Variants in TNFRSF10A observed in about 807,000 individuals in gnomAD.
TNFRSF10A encodes the protein tumor necrosis factor receptor superfamily member 10A.
In TNFRSF10A, 44 loss-of-function variants were observed where a neutral mutation model predicts 42.8. That is an observed-to-expected ratio of 1.03 (90% CI 0.81 to 1.32). The LOEUF (loss-of-function observed/expected upper bound fraction) is 1.32, where lower values mean the gene tolerates loss of function less well. Among genes scored for constraint, TNFRSF10A ranks in the 40% most tolerant of loss-of-function variants. The pLI is 0.00. For synonymous variants in TNFRSF10A, 259 were observed against 234.2 expected (o/e 1.11, Z -0.97); for missense variants, 680 against 602.0 (o/e 1.13, Z -1.36).
In TNFRSF10A at chr8:23,191,892, G is replaced by A. The variant is rs185188885; in HGVS notation, c.1209C>T (p.Gly403=). 5.0e-5 allele frequency: 81 copies of A among 1,614,104 alleles called. No individual in the cohort carries two copies. In the African/African-American group the frequency reaches 1.0e-3, roughly 20 times the overall value. The change falls in exon 10 of 10, where the codon GGC becomes GGT. Residue 403 remains glycine, a synonymous_variant. Coordinates refer to ENST00000221132, the MANE Select transcript of TNFRSF10A (RefSeq NM_003844.4). ...EIDVVRAGTA[G]PGDALYAMLM... Reference sequence around the variant, plus strand: ...GCATTGCATACAAGGCATCCCCTGGGCCTGCTGTACCAGCTCTGACCACAT... The same window carrying A: ...GCATTGCATACAAGGCATCCCCTGGACCTGCTGTACCAGCTCTGACCACAT...
intron 8 of TNFRSF10A, among the ~76,000 whole-genome samples, 187 bp downstream of exon 8, chr8:23,199,079 A>C (rs1387425800): frequency 6.6e-6 from 1 of 152,170 alleles, no homozygotes; most frequent in Admixed American, 6.5e-5. Flanking sequence ...AGGACAGGAC[A>C]GGGACTAAGA....
At chr8:23,206,779 G>GA (rs1048035728) in intron 2 of TNFRSF10A, 15 of 154,040 alleles carry the variant, frequency 9.7e-5, no homozygotes, top group African/African-American at 3.6e-4. Flanking sequence ...TACCTTGGAT[G>GA]AAAGGGGCAA....
rs370075125 is a variant in TNFRSF10A at position 23,208,012 on chromosome 8, T to C, written c.403+4104A>G. On this transcript the variant is annotated intron_variant, in intron 2 of 9. Coordinates refer to ENST00000221132, the MANE Select transcript of TNFRSF10A (RefSeq NM_003844.4). ...TTTGGAACTGCATAACAGGCAGAGG[T>C]TGGAACAGTTTGGAGGGCTCAGACG... Among the ~76,000 whole-genome samples, 283 of 151,048 alleles carry C rather than the reference T, an allele frequency of 1.9e-3. 1 individual carries two copies. Among genetic ancestry groups the C allele is most frequent in the African/African-American group, 6.6e-3 (273 of 41,092 alleles).
intron 2 of TNFRSF10A, among the ~76,000 whole-genome samples, chr8:23,210,445 G>T (rs974467696): frequency 6.6e-6 from 1 of 152,176 alleles, no homozygotes; most frequent in Non-Finnish European, 1.5e-5. Flanking sequence ...ACTTTGGAAG[G>T]CTGAGGCAGG....
chr8:23,194,919 A>G (rs1476400157), intron 9 of TNFRSF10A, among the ~76,000 whole-genome samples: 1 of 152,204 alleles, frequency 6.6e-6, no homozygotes, highest in African/African-American at 2.4e-5. Context: ...TTGGGAGGCC[A>G]AGGCAGGCGA....
chr8:23,216,109 C>T (rs1208856005), intron 1 of TNFRSF10A, among the ~76,000 whole-genome samples: 1 of 152,044 alleles, frequency 6.6e-6, no homozygotes, highest in African/African-American at 2.4e-5. Flanking sequence ...TGAGCCATCT[C>T]GTCCGGCCAG....
chr8:23,222,992 G>T (rs1174948134), intron 1 of TNFRSF10A, among the ~76,000 whole-genome samples: 1 of 152,168 alleles, frequency 6.6e-6, no homozygotes, highest in Non-Finnish European at 1.5e-5. Flanking sequence ...CTGGTGGCAT[G>T]CTTCTTGTAC....
At chr8:23,219,183 G>A (rs984946317) in intron 1 of TNFRSF10A, among the ~76,000 whole-genome samples, 5 of 152,122 alleles carry the variant, frequency 3.3e-5, no homozygotes, top group African/African-American at 9.7e-5. Flanking sequence ...GCTTCAGGGA[G>A]CAGGACTGAC....
At chr8:23,221,382 G>T (rs1016020684) in intron 1 of TNFRSF10A, among the ~76,000 whole-genome samples, 2 of 152,202 alleles carry the variant, frequency 1.3e-5, no homozygotes, top group Admixed American at 6.5e-5. Context: ...CCAATCTCTG[G>T]GCTCTGATAG....
chr8:23,196,562 G>A (rs1800827262), intron 9 of TNFRSF10A, among the ~76,000 whole-genome samples: 1 of 152,132 alleles, frequency 6.6e-6, no homozygotes, highest in African/African-American at 2.4e-5. Context: ...ACATGAATTG[G>A]AGACTGAGCT....
At chr8:23,216,164 TCTTAGCTTGTTGATTC>T (rs1314839104) in intron 1 of TNFRSF10A, among the ~76,000 whole-genome samples, 7 of 152,154 alleles carry the variant, frequency 4.6e-5, no homozygotes, top group Non-Finnish European at 1.0e-4. Flanking sequence ...GAGAACCAAC[TCTTAGCTTGTTGATTC>T]CTTTTATTGT....
chr8:23,208,650 G>T (rs1801051502), intron 2 of TNFRSF10A, among the ~76,000 whole-genome samples: 1 of 152,018 alleles, frequency 6.6e-6, no homozygotes, highest in African/African-American at 2.4e-5. Context: ...TAGAGACGGG[G>T]TTTCACCGTG....
chr8:23,223,087 A>G (rs1169655668), intron 1 of TNFRSF10A, among the ~76,000 whole-genome samples: 1 of 152,144 alleles, frequency 6.6e-6, no homozygotes, highest in African/African-American at 2.4e-5. Context: ...CTTTTCCGAA[A>G]CGGAGTCTCC....
At position 23,224,952 on chromosome 8, in the gene TNFRSF10A, A is replaced by C. The variant is rs549217117; in HGVS notation, c.110T>G (p.Val37Gly). 484 of 1,600,216 alleles carry C rather than the reference A, an allele frequency of 3.0e-4. No individual in the cohort carries two copies. Among genetic ancestry groups the C allele is most frequent in the Admixed American group, 5.5e-4 (32 of 58,548 alleles). The change falls in exon 1 of 10, where the codon GTG becomes GGG. Residue 37 changes from valine to glycine, a missense_variant. Val to Gly is a moderately radical substitution (Grantham distance 109, BLOSUM62 -3). Coordinates refer to ENST00000221132, the MANE Select transcript of TNFRSF10A (RefSeq NM_003844.4). ...TEAAAATPSK[V>G]WGSSAGRIEP... ...AATCCTCCCCGCGGAAGAGCCCCAC[A>C]CTTTGCTGGGTGTGGCCGCGGCTGC...
At chr8:23,196,029 T>TA (rs1800818726) in intron 9 of TNFRSF10A, among the ~76,000 whole-genome samples, 1 of 152,190 alleles carries the variant, frequency 6.6e-6, no homozygotes, top group African/African-American at 2.4e-5. Context: ...GCTCAAATCT[T>TA]ACATTTGTTT....
At chr8:23,207,404 T>C (rs1288240051) in intron 2 of TNFRSF10A, 2 of 525,610 alleles carry the variant, frequency 3.8e-6, no homozygotes, top group African/African-American at 1.9e-5. Context: ...AATACATGTA[T>C]ATGTTTTCAC....
Position 23,200,750 on chromosome 8 carries a change from C to T in TNFRSF10A, c.640G>A (p.Gly214Arg), listed in dbSNP as rs1267828566. The stretch of plus-strand genomic sequence containing the variant: ...GTACAATCCTTGACCTTGACCATCC[C>T]TCTGGGGCACCTGGGTACACACAGG... ...CRKCSRGCPR[G>R]MVKVKDCTPW... The change falls in exon 5 of 10, where the codon GGG becomes AGG. Residue 214 changes from glycine (G) to arginine (R), a missense_variant. Coordinates refer to ENST00000221132, the MANE Select transcript of TNFRSF10A (RefSeq NM_003844.4). 4.4e-6 allele frequency: 7 copies of T among 1,600,614 alleles called. No homozygotes were observed. Among genetic ancestry groups the T allele is most frequent in the Non-Finnish European group, 5.1e-6 (6 of 1,172,604 alleles).
intron 2 of TNFRSF10A, among the ~76,000 whole-genome samples, chr8:23,206,266 G>A (rs975758756): frequency 1.3e-5 from 2 of 152,126 alleles, no homozygotes; most frequent in African/African-American, 2.4e-5. Context: ...TACAGATTTG[G>A]TGTAGCCTAA....
chr8:23,222,023 C>A (rs1386531287), intron 1 of TNFRSF10A, among the ~76,000 whole-genome samples: 1 of 152,010 alleles, frequency 6.6e-6, no homozygotes, highest in Admixed American at 6.5e-5. Flanking sequence ...ACTACAGGCG[C>A]CCGCCACCGT....
Sources: allele counts gnomAD v4.1 joint callset (sites outside exome capture counted in the v4.1 genomes callset), GRCh38; gene constraint gnomAD v4.1.1; transcripts MANE v1.5; gene names NCBI Gene and HGNC (gene_info 2026-07-23, HGNC 2026-07-21).